The following NFIL3 variants were observed in gnomAD, a reference collection of about 807,000 sequenced individuals.
NFIL3 encodes nuclear factor interleukin-3-regulated protein.
Under a neutral mutation model 10.0 loss-of-function variants are expected in NFIL3, and 5 were observed. The ratio of observed to expected loss-of-function variants is 0.50; its 90% CI spans 0.26 to 1.06. The LOEUF is 1.06. NFIL3 is among the 50% of genes least tolerant of loss of function. The probability of loss-of-function intolerance (pLI) is 0.13; values close to 1 mark genes in which losing one functional copy is unlikely to be tolerated. For missense variants in NFIL3, 436 were observed against 547.6 expected, an observed-to-expected ratio of 0.80 and a Z score of 2.03; for synonymous variants, 202 against 206.5, an observed-to-expected ratio of 0.98 and a Z score of 0.19.
At chr9:91,479,296 G>A in the NFIL3 span, among the ~76,000 whole-genome samples, 1 of 152,182 alleles carries the variant, frequency 6.6e-6, no homozygotes, top group Admixed American at 6.5e-5. Context: ...AGTTTTATCT[G>A]TAAGCCCCTG....
At chr9:91,475,712 A>C in the NFIL3 span, among the ~76,000 whole-genome samples, 1 of 152,254 alleles carries the variant, frequency 6.6e-6, no homozygotes, top group Non-Finnish European at 1.5e-5. Flanking sequence ...GAGAATTCAC[A>C]AATGAACAAT....
chr9:91,444,528 G>T, the NFIL3 span, among the ~76,000 whole-genome samples: 20,346 of 152,052 alleles, frequency 0.13, 1,514 homozygotes, highest in East Asian at 0.34. Context: ...CTGCATTGAC[G>T]TTTGTGCATC....
chr9:91,438,942 T>C, the NFIL3 span, among the ~76,000 whole-genome samples: 2 of 152,204 alleles, frequency 1.3e-5, no homozygotes, highest in Non-Finnish European at 2.9e-5. Context: ...TGCAATATAA[T>C]TTAAGATCAG....
chr9:91,438,380 G>T, the NFIL3 span, among the ~76,000 whole-genome samples: 4 of 152,248 alleles, frequency 2.6e-5, no homozygotes, highest in African/African-American at 9.6e-5. Flanking sequence ...CTATTGAATT[G>T]TAGGGGTTCT....
At chr9:91,482,938 T>C in the NFIL3 span, among the ~76,000 whole-genome samples, 6 of 152,230 alleles carry the variant, frequency 3.9e-5, no homozygotes, top group East Asian at 9.7e-4. Context: ...AGCAGCAGAG[T>C]ATGGGTCTAT....
the NFIL3 span, among the ~76,000 whole-genome samples, chr9:91,433,597 G>C: frequency 6.6e-6 from 1 of 152,158 alleles, no homozygotes; most frequent in Non-Finnish European, 1.5e-5. Context: ...CATGATGCTA[G>C]AACTATAGCA....
chr9:91,482,838 G>T, the NFIL3 span, among the ~76,000 whole-genome samples: 1 of 152,072 alleles, frequency 6.6e-6, no homozygotes. Flanking sequence ...CAAATAAGTT[G>T]GACTCTAGAG....
the NFIL3 span, among the ~76,000 whole-genome samples, chr9:91,479,933 G>T: frequency 3.9e-5 from 6 of 152,086 alleles, no homozygotes; most frequent in Non-Finnish European, 8.8e-5. Flanking sequence ...TGCACTTCTC[G>T]GGTGAGGTGA....
chr9:91,414,854 C>T (rs918080476), intron 1 of NFIL3, among the ~76,000 whole-genome samples: 22 of 152,084 alleles, frequency 1.4e-4, no homozygotes, highest in East Asian at 1.9e-4. Flanking sequence ...TACTTCAGGG[C>T]GGAAATTAAA....
intron 1 of NFIL3, among the ~76,000 whole-genome samples, chr9:91,418,706 TTA>T (rs201946067): frequency 0.015 from 2,306 of 152,312 alleles, 25 homozygotes; most frequent in Non-Finnish European, 0.024. Context: ...ACTAAAAGGC[TTA>T]TAAACATCAT....
chr9:91,471,430 C>T, the NFIL3 span, among the ~76,000 whole-genome samples: 17,016 of 149,290 alleles, frequency 0.11, 2,103 homozygotes, highest in African/African-American at 0.31. Flanking sequence ...AGATGGGTCT[C>T]CTGAATACAG....
the NFIL3 span, among the ~76,000 whole-genome samples, chr9:91,458,492 T>A: frequency 7.9e-5 from 12 of 152,238 alleles, no homozygotes; most frequent in East Asian, 2.3e-3. Context: ...ATGTCACCTC[T>A]CTCCTTCTTG....
the NFIL3 span, among the ~76,000 whole-genome samples, chr9:91,433,321 C>A: frequency 6.6e-6 from 1 of 152,198 alleles, no homozygotes; most frequent in Non-Finnish European, 1.5e-5. Flanking sequence ...CAGTTTCCTC[C>A]TCTGCACACT....
chr9:91,467,600 A>G, the NFIL3 span, among the ~76,000 whole-genome samples: 2 of 152,070 alleles, frequency 1.3e-5, 1 homozygote, highest in South Asian at 4.1e-4. Context: ...GGTTTATTAC[A>G]TACGTATACA....
chr9:91,459,855 AATGG>A, the NFIL3 span, among the ~76,000 whole-genome samples: 1,799 of 152,232 alleles, frequency 0.012, 34 homozygotes, highest in African/African-American at 0.041. Context: ...TGAATGAAGG[AATGG>A]ATGGATGGAT....
chr9:91,451,985 C>G, the NFIL3 span, among the ~76,000 whole-genome samples: 1 of 152,082 alleles, frequency 6.6e-6, no homozygotes, highest in Non-Finnish European at 1.5e-5. Flanking sequence ...GCTATGTAAA[C>G]CAAAAATAAA....
chr9:91,412,783 C>T (rs1029609590), intron 1 of NFIL3, among the ~76,000 whole-genome samples: 10 of 146,804 alleles, frequency 6.8e-5, no homozygotes, highest in African/African-American at 2.3e-4. Flanking sequence ...ACCCAGGAGG[C>T]GGAGGTTGCA....
intron 1 of NFIL3, among the ~76,000 whole-genome samples, chr9:91,415,816 G>A (rs911495522): frequency 3.1e-4 from 47 of 151,998 alleles, no homozygotes; most frequent in Middle Eastern, 3.4e-3. Flanking sequence ...TAGTAGAGAC[G>A]GGGTTTCTCC....
the NFIL3 span, among the ~76,000 whole-genome samples, chr9:91,436,607 CAACA>C: frequency 6.7e-6 from 1 of 149,208 alleles, no homozygotes; most frequent in East Asian, 2.0e-4. Flanking sequence ...ACAACAACAA[CAACA>C]ACAACAACAA....
Sources: gnomAD v4.1 joint callset for allele counts (sites outside exome capture counted in the v4.1 genomes callset) on GRCh38, gnomAD v4.1.1 for gene constraint, MANE v1.5 for transcripts, NCBI Gene and HGNC (gene_info 2026-07-23, HGNC 2026-07-21) for gene names.